Variants in ADAMTS3 observed in about 807,000 individuals in gnomAD.
ADAMTS3 encodes A disintegrin and metalloproteinase with thrombospondin motifs 3.
ADAMTS3 carries 73 observed loss-of-function variants against 129.0 expected under a neutral mutation model. The ratio of observed to expected loss-of-function variants is 0.57; its 90% CI spans 0.47 to 0.69. The LOEUF is 0.69. ADAMTS3 is among the 30% of genes least tolerant of loss of function. The pLI, the probability that ADAMTS3 is intolerant of heterozygous loss-of-function variation, is 0.00. For synonymous variants in ADAMTS3, 477 were observed against 510.8 expected, an observed-to-expected ratio of 0.93 and a Z score of 0.89; for missense variants, 1,457 against 1,514.5, an observed-to-expected ratio of 0.96 and a Z score of 0.63.
At chr4:72,400,437 G>A (rs62651497) in intron 4 of ADAMTS3, among the ~76,000 whole-genome samples, 51,276 of 51,796 alleles carry the variant, frequency 0.99, 25,393 homozygotes, top group Middle Eastern at 1. Context: ...GCATAGATAT[G>A]CACACGGTGT....
At chr4:72,512,920 A>C (rs941813382) in intron 3 of ADAMTS3, among the ~76,000 whole-genome samples, 2 of 152,154 alleles carry the variant, frequency 1.3e-5, no homozygotes, top group Non-Finnish European at 2.9e-5. Context: ...GTGGAGGCAG[A>C]GGGTACATAG....
intron 5 of ADAMTS3, among the ~76,000 whole-genome samples, chr4:72,334,475 G>A (rs1194157073): frequency 6.6e-6 from 1 of 152,124 alleles, no homozygotes; most frequent in Non-Finnish European, 1.5e-5. Flanking sequence ...CAACCTATTA[G>A]AGGACTGCTC....
At position 72,344,696 on chromosome 4, in the gene ADAMTS3, T is replaced by TC. The variant is rs564747372; in HGVS notation, c.662-5004dup. Among the ~76,000 whole-genome samples, 438 of 152,178 alleles carry TC rather than the reference T, an allele frequency of 2.9e-3. 5 individuals carry two copies. The highest frequency in any genetic ancestry group is 0.01 in the Admixed American group (154 of 15,250). On this transcript the variant is annotated intron_variant, in intron 4 of 21. Transcript: ENST00000286657. ...CAGTAGGTGCACACCCCTTTGGCCC[T>TC]CCACTCAATCACCCAATATTCCTTT...
intron 4 of ADAMTS3, among the ~76,000 whole-genome samples, chr4:72,380,362 AG>A (rs1193008360): frequency 6.6e-6 from 1 of 152,158 alleles, no homozygotes; most frequent in African/African-American, 2.4e-5. Flanking sequence ...AAAGGATTCA[AG>A]GGTGATGATT....
At chr4:72,309,992 T>C (rs1446644494) in intron 14 of ADAMTS3, among the ~76,000 whole-genome samples, 3 of 151,934 alleles carry the variant, frequency 2.0e-5, no homozygotes, top group African/African-American at 4.8e-5. Context: ...AAACACAGAA[T>C]AGAAAAGCAT....
At chr4:72,358,815 A>G (rs1720647136) in intron 4 of ADAMTS3, among the ~76,000 whole-genome samples, 1 of 151,940 alleles carries the variant, frequency 6.6e-6, no homozygotes, top group African/African-American at 2.4e-5. Flanking sequence ...TCAGACTTGG[A>G]TAGGAGACAT....
intron 3 of ADAMTS3, among the ~76,000 whole-genome samples, chr4:72,518,383 G>C (rs1311880088): frequency 6.6e-6 from 1 of 152,096 alleles, no homozygotes; most frequent in Non-Finnish European, 1.5e-5. Flanking sequence ...TTCAATTCCT[G>C]GGTATCCTTC....
At chr4:72,465,188 A>T (rs2109987803) in intron 3 of ADAMTS3, among the ~76,000 whole-genome samples, 1 of 152,148 alleles carries the variant, frequency 6.6e-6, no homozygotes, top group Non-Finnish European at 1.5e-5. Flanking sequence ...ATTTTAAGAA[A>T]GGGTAGTCCA....
intron 3 of ADAMTS3, among the ~76,000 whole-genome samples, chr4:72,475,332 A>G (rs1719200566): frequency 6.6e-6 from 1 of 152,028 alleles, no homozygotes; most frequent in African/African-American, 2.4e-5. Context: ...TAATGCACAT[A>G]TCATTCAAAG....
intron 16 of ADAMTS3, 37 bp downstream of exon 16, chr4:72,305,950 G>T (rs1457526646): frequency 6.6e-7 from 1 of 1,515,412 alleles, no homozygotes; most frequent in Non-Finnish European, 9.1e-7. Context: ...ATGTTTCAGT[G>T]CATGTTAAAG....
chr4:72,552,996 CT>C (rs1476159033), intron 2 of ADAMTS3, among the ~76,000 whole-genome samples: 1 of 152,170 alleles, frequency 6.6e-6, no homozygotes, highest in African/African-American at 2.4e-5. Flanking sequence ...CATTTCCCCA[CT>C]GCCTAAAAAA....
intron 4 of ADAMTS3, among the ~76,000 whole-genome samples, chr4:72,402,612 GAT>G (rs1721953929): frequency 6.6e-6 from 1 of 152,062 alleles, no homozygotes; most frequent in Non-Finnish European, 1.5e-5. Context: ...TTATTAAAGA[GAT>G]ATATGTTAGA....
intron 3 of ADAMTS3, among the ~76,000 whole-genome samples, chr4:72,512,135 G>T (rs954980175): frequency 7.9e-5 from 12 of 152,110 alleles, no homozygotes; most frequent in Non-Finnish European, 1.6e-4. Flanking sequence ...TGGGAGGGTT[G>T]TGGGGAGTTG....
intron 4 of ADAMTS3, among the ~76,000 whole-genome samples, chr4:72,412,142 C>A (rs1722199266): frequency 6.6e-6 from 1 of 152,164 alleles, no homozygotes; most frequent in African/African-American, 2.4e-5. Context: ...ATCAAAACTC[C>A]TACTGATGAC....
intron 19 of ADAMTS3, among the ~76,000 whole-genome samples, chr4:72,291,624 C>A (rs1718671523): frequency 6.6e-6 from 1 of 151,682 alleles, no homozygotes. Context: ...TGTATATGTG[C>A]CACATTTTCT....
intron 12 of ADAMTS3, among the ~76,000 whole-genome samples, chr4:72,313,386 C>T (rs528933685): frequency 1.1e-4 from 16 of 152,280 alleles, no homozygotes; most frequent in African/African-American, 3.1e-4. Context: ...CCCATGCCCA[C>T]GCCCTTAGGG....
At position 72,309,398 on chromosome 4, in the gene ADAMTS3, A is replaced by G; in HGVS notation, c.2178T>C (p.Leu726=). 2 of 1,611,536 alleles carry G rather than the reference A, an allele frequency of 1.2e-6. No homozygotes were observed. The highest frequency in any genetic ancestry group is 1.3e-5 in the African/African-American group (1 of 74,908). The change falls in exon 15 of 22, where the codon CTT becomes CTC. Residue 726 remains leucine (L), a splice_region_variant and synonymous_variant. Coordinates refer to ENST00000286657, the MANE Select transcript of ADAMTS3 (RefSeq NM_014243.3). ...AATCCATGAGAGACCTCATCTTACC[A>G]AGCTTCCTGGGAGTTCTGGTAAATG... is the stretch of plus-strand genomic sequence containing the variant. The part of the protein sequence containing the change: ...KGTFTRTPRK[L]GYLKMFDIPP...
rs543446695 is a variant in ADAMTS3 at position 72,423,605 on chromosome 4, G to A, written c.505-8634C>T. ...AAGTTTTAGGGTACATGTGCACAAC[G>A]TGCAAGTTTGTTACATATGTATACA... is the stretch of plus-strand genomic sequence containing the variant. On this transcript the variant is annotated intron_variant, in intron 3 of 21. Coordinates refer to ENST00000286657, the MANE Select transcript of ADAMTS3 (RefSeq NM_014243.3). Among the ~76,000 whole-genome samples the A allele has an allele frequency of 1.1e-4, 16 of 151,630 alleles. No individual in the cohort carries two copies. In the South Asian group the frequency reaches 2.5e-3, roughly 24 times the overall value.
chr4:72,397,660 A>G (rs939122811), intron 4 of ADAMTS3, among the ~76,000 whole-genome samples: 1 of 152,150 alleles, frequency 6.6e-6, no homozygotes, highest in Non-Finnish European at 1.5e-5. Flanking sequence ...GGAAAACAGG[A>G]GAGAAACTGT....
Sources: gnomAD v4.1 joint callset for allele counts (sites outside exome capture counted in the v4.1 genomes callset) on GRCh38, gnomAD v4.1.1 for gene constraint, MANE v1.5 for transcripts, NCBI Gene and HGNC (gene_info 2026-07-23, HGNC 2026-07-21) for gene names.